ZFTRAF1: variants seen among roughly 807,000 people sequenced by gnomAD.
ZFTRAF1 encodes the protein zinc finger TRAF-type and ring finger containing 1.
the ZFTRAF1 span, chr8:144,450,517 G>A: frequency 1.4e-6 from 1 of 718,492 alleles, no homozygotes; most frequent in Non-Finnish European, 2.6e-6. Context: ...CAAAGTGGTA[G>A]ATGACGGGGC....
chr8:144,455,985 T>A, the ZFTRAF1 span: 1 of 152,216 alleles, frequency 6.6e-6, no homozygotes. Context: ...GTCAATTCCA[T>A]ACCATGAGGA....
the ZFTRAF1 span, among the ~76,000 whole-genome samples, chr8:144,461,065 G>A: frequency 3.3e-5 from 5 of 152,188 alleles, no homozygotes; most frequent in Admixed American, 2.6e-4. Context: ...TGACACCCAG[G>A]AGGGTGGGTT....
chr8:144,455,775 C>T, the ZFTRAF1 span: 1 of 152,380 alleles, frequency 6.6e-6, no homozygotes, highest in South Asian at 2.1e-4. Context: ...CACCTGGCCT[C>T]TCTTCCTGGC....
the ZFTRAF1 span, among the ~76,000 whole-genome samples, chr8:144,458,245 C>T: frequency 6.6e-6 from 1 of 152,226 alleles, no homozygotes; most frequent in Non-Finnish European, 1.5e-5. Context: ...AAACGGTGGC[C>T]AATCAATCCC....
the ZFTRAF1 span, chr8:144,450,980 A>G: frequency 2.7e-5 from 15 of 563,174 alleles, no homozygotes; most frequent in Non-Finnish European, 4.5e-5. Context: ...CACAAACAGA[A>G]TCAACATGGA....
the ZFTRAF1 span, among the ~76,000 whole-genome samples, chr8:144,459,790 C>T: frequency 6.6e-6 from 1 of 152,236 alleles, no homozygotes; most frequent in African/African-American, 2.4e-5. Context: ...CTAAGTCAGC[C>T]CCCAGCTTGG....
chr8:144,455,811 G>A, the ZFTRAF1 span: 1 of 152,190 alleles, frequency 6.6e-6, no homozygotes, highest in African/African-American at 2.4e-5. Flanking sequence ...AAGATTCGAG[G>A]TGGGGTCCTA....
chr8:144,452,271 T>C, the ZFTRAF1 span: 4 of 1,422,502 alleles, frequency 2.8e-6, no homozygotes, highest in African/African-American at 4.2e-5. Flanking sequence ...CAGTGCCCAG[T>C]GCCCAGAGCC....
At chr8:144,450,114 CGG>C in the ZFTRAF1 span, 2 of 472,524 alleles carry the variant, frequency 4.2e-6, no homozygotes, top group South Asian at 4.8e-5. Context: ...CTCTGAGCCT[CGG>C]GGCGCCTGGT....
the ZFTRAF1 span, among the ~76,000 whole-genome samples, chr8:144,460,581 G>A: frequency 2.0e-5 from 3 of 152,296 alleles, no homozygotes; most frequent in Admixed American, 6.5e-5. Context: ...AGTCTCCCTC[G>A]AGATCCAAGA....
the ZFTRAF1 span, among the ~76,000 whole-genome samples, chr8:144,459,008 C>A: frequency 6.6e-6 from 1 of 152,250 alleles, no homozygotes; most frequent in African/African-American, 2.4e-5. Context: ...AGCACCAAGG[C>A]CCAGGGCCTC....
At chr8:144,450,474 C>A in the ZFTRAF1 span, 1 of 718,346 alleles carries the variant, frequency 1.4e-6, no homozygotes, top group Admixed American at 2.0e-5. Context: ...GGCAGTGGCA[C>A]GTAGTCCGTC....
At chr8:144,459,529 G>A in the ZFTRAF1 span, among the ~76,000 whole-genome samples, 4 of 152,262 alleles carry the variant, frequency 2.6e-5, no homozygotes, top group African/African-American at 7.2e-5. Flanking sequence ...AGCCTGTGAG[G>A]CATCATCGTA....
chr8:144,462,234 G>A, the ZFTRAF1 span: 2 of 489,560 alleles, frequency 4.1e-6, no homozygotes, highest in Non-Finnish European at 7.1e-6. Context: ...CCCGCGGCGG[G>A]GGCTGCAGCC....
chr8:144,452,253 G>T, the ZFTRAF1 span: 1 of 1,277,884 alleles, frequency 7.8e-7, no homozygotes. Flanking sequence ...CCGGCTGTCC[G>T]GCGCTGTCAG....
the ZFTRAF1 span, chr8:144,452,030 A>C: frequency 2.6e-6 from 1 of 391,444 alleles, no homozygotes; most frequent in Non-Finnish European, 4.9e-6. Flanking sequence ...CTTTCTGGTT[A>C]GACCCTGACT....
the ZFTRAF1 span, among the ~76,000 whole-genome samples, chr8:144,459,127 G>A: frequency 2.6e-5 from 4 of 152,222 alleles, no homozygotes; most frequent in African/African-American, 4.8e-5. Flanking sequence ...ATGAGGCTGC[G>A]GCTGCAACGT....
chr8:144,461,709 C>T, the ZFTRAF1 span, among the ~76,000 whole-genome samples: 5 of 152,200 alleles, frequency 3.3e-5, no homozygotes, highest in African/African-American at 9.7e-5. Context: ...CAGCAATCCC[C>T]TCTCCTTACT....
chr8:144,450,474 C>T, the ZFTRAF1 span: 1 of 718,344 alleles, frequency 1.4e-6, no homozygotes, highest in Non-Finnish European at 2.6e-6. Context: ...GGCAGTGGCA[C>T]GTAGTCCGTC....
Sources: allele counts gnomAD v4.1 joint callset (sites outside exome capture counted in the v4.1 genomes callset), GRCh38; gene constraint gnomAD v4.1.1; transcripts MANE v1.5; gene names NCBI Gene and HGNC (gene_info 2026-07-23, HGNC 2026-07-21).